The following FAAH2 variants were observed in gnomAD, a reference collection of about 807,000 sequenced individuals.
FAAH2 encodes fatty-acid amide hydrolase 2.
Under a neutral mutation model 36.9 loss-of-function variants are expected in FAAH2, and 60 were observed. That is an observed-to-expected ratio of 1.63 (90% CI 1.32 to 2.02). FAAH2 has a LOEUF of 2.02. FAAH2 is among the 30% of genes most tolerant of loss of function. The pLI is 0.00. For missense variants in FAAH2, 689 were observed against 397.5 expected, an observed-to-expected ratio of 1.73 and a Z score of -6.23; for synonymous variants, 214 against 143.8, an observed-to-expected ratio of 1.49 and a Z score of -3.49.
chrX:57,334,320 A>G (rs1423946322), intron 4 of FAAH2, among the ~76,000 whole-genome samples: 3 of 104,949 alleles, frequency 2.9e-5, no homozygotes, highest in African/African-American at 1.1e-4. Context: ...CAAATATTTA[A>G]ACCACTGAAA....
chrX:57,482,469 T>C (rs924689821), intron 10 of FAAH2, among the ~76,000 whole-genome samples: 5 of 111,183 alleles, frequency 4.5e-5, no homozygotes, highest in Middle Eastern at 4.6e-3. Context: ...CAGTCCTTCA[T>C]AGCTTCCTTT....
At chrX:57,179,943 T>A in the FAAH2 span, among the ~76,000 whole-genome samples, 1 of 112,028 alleles carries the variant, frequency 8.9e-6, no homozygotes, top group East Asian at 2.8e-4. Flanking sequence ...AATAAAAATA[T>A]AATTTCAGAC....
chrX:57,440,033 C>T (rs1368021822), intron 8 of FAAH2, among the ~76,000 whole-genome samples: 3 of 111,423 alleles, frequency 2.7e-5, no homozygotes, highest in Admixed American at 9.6e-5. Flanking sequence ...AGTCAGGCAG[C>T]GTGATGCCTC....
the FAAH2 span, among the ~76,000 whole-genome samples, chrX:57,201,846 T>C: frequency 1.8e-5 from 2 of 111,747 alleles, no homozygotes; most frequent in African/African-American, 6.5e-5. Flanking sequence ...TTTTGCCTCC[T>C]CTGGCTTTGT....
At chrX:57,476,207 T>A (rs1419067706) in intron 10 of FAAH2, among the ~76,000 whole-genome samples, 1 of 111,272 alleles carries the variant, frequency 9.0e-6, no homozygotes, top group Non-Finnish European at 1.9e-5. Flanking sequence ...TTGCCTGATT[T>A]CCCTGGCCAG....
At chrX:57,422,699 C>T (rs1484110017) in intron 7 of FAAH2, among the ~76,000 whole-genome samples, 1 of 111,419 alleles carries the variant, frequency 9.0e-6, no homozygotes, top group Non-Finnish European at 1.9e-5. Context: ...ATGCCATTGC[C>T]TCTGTCCCTC....
the FAAH2 span, among the ~76,000 whole-genome samples, chrX:57,228,867 A>T: frequency 9.9e-5 from 11 of 111,402 alleles, no homozygotes; most frequent in African/African-American, 3.6e-4. Context: ...ATGCAACGTC[A>T]GAAGCAAGAG....
the FAAH2 span, among the ~76,000 whole-genome samples, chrX:57,216,548 A>ATG: frequency 2.5e-4 from 14 of 56,686 alleles, no homozygotes; most frequent in South Asian, 3.4e-3. Context: ...ATATACGTAT[A>ATG]TGTATATATA....
intron 8 of FAAH2, among the ~76,000 whole-genome samples, chrX:57,445,141 T>A (rs1053969113): frequency 2.7e-5 from 3 of 111,834 alleles, no homozygotes; most frequent in African/African-American, 9.8e-5. Flanking sequence ...AGACTTCCCG[T>A]GTATTCGAAG....
At chrX:57,320,098 T>C (rs1230102795) in intron 3 of FAAH2, among the ~76,000 whole-genome samples, 2 of 111,978 alleles carry the variant, frequency 1.8e-5, no homozygotes, top group Admixed American at 9.5e-5. Flanking sequence ...ATTCAGGACA[T>C]AGGCATGGGT....
At chrX:57,460,053 C>T (rs2056931148) in intron 10 of FAAH2, among the ~76,000 whole-genome samples, 1 of 111,123 alleles carries the variant, frequency 9.0e-6, no homozygotes, top group Non-Finnish European at 1.9e-5. Context: ...CTCATCTAAG[C>T]TAAAGAAGTG....
At chrX:57,480,065 G>T (rs970677887) in intron 10 of FAAH2, among the ~76,000 whole-genome samples, 3 of 111,443 alleles carry the variant, frequency 2.7e-5, no homozygotes, top group African/African-American at 9.8e-5. Flanking sequence ...AAACCAGGAA[G>T]AAGTTGACTC....
At chrX:57,353,702 A>G (rs2054089328) in intron 5 of FAAH2, among the ~76,000 whole-genome samples, 1 of 111,062 alleles carries the variant, frequency 9.0e-6, no homozygotes. Context: ...TTTGCAAATT[A>G]TTCATTCAAC....
intron 10 of FAAH2, among the ~76,000 whole-genome samples, chrX:57,463,476 A>G (rs992391011): frequency 6.3e-5 from 7 of 111,483 alleles, no homozygotes; most frequent in African/African-American, 2.3e-4. Flanking sequence ...GACCAATAGA[A>G]CAGAACAGAG....
the FAAH2 span, among the ~76,000 whole-genome samples, chrX:57,167,652 G>A: frequency 9.0e-6 from 1 of 111,522 alleles, no homozygotes; most frequent in African/African-American, 3.3e-5. Context: ...GATTCCTTCT[G>A]CCAGTGTTAA....
At chrX:57,131,652 C>T in the FAAH2 span, among the ~76,000 whole-genome samples, 3 of 112,082 alleles carry the variant, frequency 2.7e-5, no homozygotes, top group Non-Finnish European at 5.6e-5. Context: ...GAAGACTTTT[C>T]ATTCTTAGTC....
In FAAH2 at chrX:57,488,834, C is replaced by T. The variant is rs749705123; in HGVS notation, c.1501C>T (p.Gln501Ter). The change falls in exon 11 of 11, where the codon CAG (glutamine) becomes TAG (stop). Residue 501 changes from glutamine to a stop codon, truncating the protein, a stop_gained. Coordinates refer to ENST00000374900, the MANE Select transcript of FAAH2 (RefSeq NM_174912.4). LOFTEE classifies it high-confidence loss of function. Reference protein sequence around the residue: ...LNAKGLPLGIQVVAGPFNDHL... With the variant: ...LNAKGLPLGI ...TGCCAAAGGACTCCCTTTAGGCATC[C>T]AGGTTGTGGCTGGACCCTTTAATGA... The T allele has an allele frequency of 5.0e-6, 6 of 1,209,394 alleles. No individual in the cohort carries two copies. The highest frequency in any genetic ancestry group is 3.5e-5 in the African/African-American group (2 of 56,997).
At chrX:57,460,345 A>G (rs755169446) in intron 10 of FAAH2, among the ~76,000 whole-genome samples, 1 of 111,249 alleles carries the variant, frequency 9.0e-6, no homozygotes, top group Non-Finnish European at 1.9e-5. Context: ...CAACCCCAAG[A>G]CAGGTAATCC....
Position 57,431,787 on chromosome X carries a change from G to GTTTTTTTGT in FAAH2, c.997-124_997-123insGTTTTTTTT, listed in dbSNP as rs750888330. ...TGTTTTTTTGTTTTTTTGTTTTTTT[G>GTTTTTTTGT]TTTTTTTTGGTGTTTCCATGGGGCA... On this transcript the variant is annotated intron_variant, in intron 7 of 10. Coordinates refer to ENST00000374900, the MANE Select transcript of FAAH2 (RefSeq NM_174912.4). 243 of 129,291 alleles carry GTTTTTTTGT rather than the reference G, an allele frequency of 1.9e-3. 19 individuals are homozygous for GTTTTTTTGT. In the South Asian group the frequency reaches 0.021, roughly 11 times the overall value. The allele number at this position is 129,291 out of a possible 1,213,427, so 10.7% of individuals were successfully genotyped here.
Sources: gnomAD v4.1 joint callset for allele counts (sites outside exome capture counted in the v4.1 genomes callset) on GRCh38, gnomAD v4.1.1 for gene constraint, MANE v1.5 for transcripts, NCBI Gene and HGNC (gene_info 2026-07-23, HGNC 2026-07-21) for gene names.